Variants in KCNIP4 observed in about 807,000 individuals in gnomAD.
The protein encoded by KCNIP4 is potassium voltage-gated channel interacting protein 4.
Under a neutral mutation model 34.0 loss-of-function variants are expected in KCNIP4, and 12 were observed. The observed-to-expected ratio is 0.35, with a 90% CI of 0.23 to 0.57. KCNIP4 has a LOEUF of 0.57. Ranked by LOEUF, KCNIP4 falls within the 20% of genes least tolerant of loss-of-function variation. The probability of loss-of-function intolerance (pLI) is 0.83; values close to 1 mark genes in which losing one functional copy is unlikely to be tolerated. For missense variants in KCNIP4, 238 were observed against 311.7 expected (o/e 0.76, Z 1.78); for synonymous variants, 124 against 102.2 (o/e 1.21, Z -1.29).
At chr4:21,776,332 G>T (rs766781501) in intron 1 of KCNIP4, among the ~76,000 whole-genome samples, 14 of 149,248 alleles carry the variant, frequency 9.4e-5, no homozygotes. Flanking sequence ...ACTTACTATG[G>T]TTTTTTTTTT....
At chr4:21,348,863 G>C (rs1006400909) in intron 1 of KCNIP4, among the ~76,000 whole-genome samples, 1 of 152,180 alleles carries the variant, frequency 6.6e-6, no homozygotes. Context: ...AGAGTTAGCT[G>C]TGGGTTGAAG....
intron 1 of KCNIP4, among the ~76,000 whole-genome samples, chr4:21,336,255 G>T (rs1456025461): frequency 1.3e-5 from 2 of 151,874 alleles, no homozygotes; most frequent in African/African-American, 4.8e-5. Context: ...TATATATTTA[G>T]ATGATATCTA....
chr4:21,660,348 T>C (rs186841866), intron 1 of KCNIP4, among the ~76,000 whole-genome samples: 1 of 152,322 alleles, frequency 6.6e-6, no homozygotes, highest in East Asian at 1.9e-4. Context: ...AACTACACTA[T>C]GATTTTTCTG....
chr4:21,341,608 C>T (rs2109348377), intron 1 of KCNIP4, among the ~76,000 whole-genome samples: 1 of 152,172 alleles, frequency 6.6e-6, no homozygotes, highest in African/African-American at 2.4e-5. Flanking sequence ...ACCCAAGGGA[C>T]CCAAGGGAGT....
At chr4:21,227,047 G>C (rs1046064752) in intron 1 of KCNIP4, among the ~76,000 whole-genome samples, 2 of 152,120 alleles carry the variant, frequency 1.3e-5, no homozygotes, top group African/African-American at 4.8e-5. Flanking sequence ...GCATTCAGTA[G>C]AATTCAATTT....
intron 1 of KCNIP4, among the ~76,000 whole-genome samples, chr4:21,871,879 T>G (rs530764806): frequency 1.3e-5 from 2 of 150,452 alleles, no homozygotes; most frequent in South Asian, 2.1e-4. Flanking sequence ...TTCCCATTAT[T>G]TCTTGTTATA....
At chr4:21,338,578 G>T (rs543672549) in intron 1 of KCNIP4, among the ~76,000 whole-genome samples, 26 of 151,150 alleles carry the variant, frequency 1.7e-4, no homozygotes, top group Middle Eastern at 3.2e-3. Context: ...TTGCACTCCA[G>T]CCTAGGTGAC....
chr4:21,625,377 T>C (rs1249766374), intron 1 of KCNIP4, among the ~76,000 whole-genome samples: 1 of 152,116 alleles, frequency 6.6e-6, no homozygotes, highest in African/African-American at 2.4e-5. Flanking sequence ...TTTATAATTA[T>C]CCCATTTGTA....
At chr4:20,988,047 C>T (rs1203312064) in intron 1 of KCNIP4, among the ~76,000 whole-genome samples, 1 of 142,052 alleles carries the variant, frequency 7.0e-6, no homozygotes, top group African/African-American at 2.7e-5. Flanking sequence ...TAATTTAATC[C>T]TTTTATAGTT....
intron 3 of KCNIP4, among the ~76,000 whole-genome samples, chr4:20,817,484 G>T (rs1405862983): frequency 6.6e-6 from 1 of 152,068 alleles, no homozygotes; most frequent in Non-Finnish European, 1.5e-5. Context: ...TCTGTCCAGG[G>T]AATGCTTTCT....
At chr4:21,138,419 G>A (rs1036088869) in intron 1 of KCNIP4, among the ~76,000 whole-genome samples, 10 of 152,218 alleles carry the variant, frequency 6.6e-5, no homozygotes, top group Admixed American at 2.0e-4. Context: ...TACAGAGCAT[G>A]CCATCATTCT....
intron 3 of KCNIP4, among the ~76,000 whole-genome samples, chr4:20,812,740 C>T (rs1485329744): frequency 6.6e-6 from 1 of 152,030 alleles, no homozygotes; most frequent in Non-Finnish European, 1.5e-5. Context: ...ATATACATTT[C>T]CTCCCTTGAA....
At chr4:20,793,828 T>G (rs145896606) in intron 3 of KCNIP4, among the ~76,000 whole-genome samples, 1 of 152,026 alleles carries the variant, frequency 6.6e-6, no homozygotes, top group African/African-American at 2.4e-5. Flanking sequence ...TAGATTCTCA[T>G]AAGGAGCACA....
chr4:21,784,785 C>G (rs532584965), intron 1 of KCNIP4, among the ~76,000 whole-genome samples: 1 of 152,110 alleles, frequency 6.6e-6, no homozygotes, highest in Non-Finnish European at 1.5e-5. Flanking sequence ...TTTTATTTAT[C>G]TTATCATGAT....
chr4:21,368,237 TACACAC>T lies in KCNIP4; in HGVS notation c.62-485534_62-485529del, dbSNP rs71189694. On this transcript the variant is annotated intron_variant, in intron 1 of 8. Transcript: ENST00000382152. ...GAATGACTAGAATTTAAGAAGCTGT[TACACAC>T]ACACACACACACACAATAAATATGA... 1.3e-4 allele frequency among the ~76,000 whole-genome samples: 18 copies of T among 143,726 alleles called. 3 individuals are homozygous for T. Among genetic ancestry groups the T allele is most frequent in the African/African-American group, 4.9e-4 (17 of 34,630 alleles). The allele number at this position is 143,726 out of a possible 152,430, so 94.3% of individuals were successfully genotyped here. A position where few individuals can be genotyped will look rare whatever the true frequency, so the allele number is the denominator to read the frequency against.
At chr4:21,838,971 A>C (rs565938383) in intron 1 of KCNIP4, among the ~76,000 whole-genome samples, 6 of 152,290 alleles carry the variant, frequency 3.9e-5, no homozygotes, top group Non-Finnish European at 7.4e-5. Context: ...CCAGTTACTT[A>C]AAATATAGTA....
At chr4:21,181,291 T>A (rs1754822010) in intron 1 of KCNIP4, among the ~76,000 whole-genome samples, 1 of 152,106 alleles carries the variant, frequency 6.6e-6, no homozygotes, top group South Asian at 2.1e-4. Flanking sequence ...TGATTAAGTG[T>A]CCATGCTTGG....
chr4:21,273,425 A>C (rs756987172), intron 1 of KCNIP4, among the ~76,000 whole-genome samples: 26 of 152,118 alleles, frequency 1.7e-4, no homozygotes, highest in Non-Finnish European at 2.9e-4. Context: ...ATCTCAGTGA[A>C]AGCCATTTAC....
chr4:21,217,738 T>A (rs916748440), intron 1 of KCNIP4, among the ~76,000 whole-genome samples: 2 of 152,034 alleles, frequency 1.3e-5, no homozygotes, highest in African/African-American at 4.8e-5. Flanking sequence ...GTCAAAGGCA[T>A]GGAAGGAATT....
Sources: allele counts gnomAD v4.1 joint callset (sites outside exome capture counted in the v4.1 genomes callset), GRCh38; gene constraint gnomAD v4.1.1; transcripts MANE v1.5; gene names NCBI Gene and HGNC (gene_info 2026-07-23, HGNC 2026-07-21).